ANKRD24: variants seen among roughly 807,000 people sequenced by gnomAD.
The protein encoded by ANKRD24 is ankyrin repeat domain-containing protein 24.
ANKRD24 carries 109 observed loss-of-function variants against 127.8 expected under a neutral mutation model. That is an observed-to-expected ratio of 0.85 (90% CI 0.73 to 1.00). The LOEUF (loss-of-function observed/expected upper bound fraction) is 1.00. Ranked by LOEUF, ANKRD24 falls within the 50% of genes least tolerant of loss-of-function variation. ANKRD24 has a pLI of 0.00. For missense variants in ANKRD24, 1,648 were observed against 1,570.2 expected (o/e 1.05, Z -0.84); for synonymous variants, 743 against 671.1 (o/e 1.11, Z -1.66).
chr19:4,183,296 A>G, intron 1 of ANKRD24: 2 of 986,248 alleles, frequency 2.0e-6, no homozygotes, highest in Non-Finnish European at 2.4e-6. Context: ...TCTGAGTATC[A>G]TCCAACTGGA....
In ANKRD24 at chr19:4,198,354, CCGGGCGGGCGGGCGGGG is replaced by C; in HGVS notation, c.37-1324_37-1308del. On this transcript the variant is annotated intron_variant, in intron 2 of 21. Transcript: ENST00000318934. This position sits in a 1 kb window ranked among gnomAD's most constrained non-coding sequence, Gnocchi z 6.1. ...GGGGGCGGCACCAGGGAGGGCGGGA[CCGGGCGGGCGGGCGGGG>C]CGGGGAGCTCCGGCAGCGCCCAGCC... The C allele has an allele frequency of 7.3e-6, 1 of 137,238 alleles. No homozygotes were observed. The highest frequency in any genetic ancestry group is 2.3e-4 in the East Asian group (1 of 4,352). The allele number at this position is 137,238 out of a possible 1,614,324, so 8.5% of individuals were successfully genotyped here.
chr19:4,219,024 G>A (rs1011794877), intron 18 of ANKRD24, among the ~76,000 whole-genome samples: 2 of 152,102 alleles, frequency 1.3e-5, no homozygotes, highest in African/African-American at 4.8e-5. Context: ...CGTGGCTCAC[G>A]CCTGTAATCC....
At chr19:4,210,490 C>A in intron 13 of ANKRD24, 118 bp downstream of exon 13, 2 of 918,136 alleles carry the variant, frequency 2.2e-6, no homozygotes, top group Non-Finnish European at 3.3e-6. Flanking sequence ...CCCCACCCTG[C>A]TGCAGCCACC....
At chr19:4,188,660 G>A (rs564993596) in intron 2 of ANKRD24, among the ~76,000 whole-genome samples, 4 of 152,140 alleles carry the variant, frequency 2.6e-5, no homozygotes, top group African/African-American at 4.8e-5. Flanking sequence ...GATTACAGGC[G>A]TGAGCCACTG....
At chr19:4,222,870 G>A (rs569647379) in intron 20 of ANKRD24, 75 bp downstream of exon 20, 77 of 1,437,220 alleles carry the variant, frequency 5.4e-5, no homozygotes, top group Middle Eastern at 2.0e-4. Flanking sequence ...TCAGCACAGC[G>A]CAGGTGGGAA....
rs200365940 is a variant in ANKRD24, at chr19:4,217,544, G to A, written c.2384G>A (p.Arg795Gln). ...CTGCGGGCGGCCCTGGAGCAGGCCCGGGAGGACCTCCGAGACCGGGACTCC... is the reference window on the plus strand; with the variant it reads ...CTGCGGGCGGCCCTGGAGCAGGCCCAGGAGGACCTCCGAGACCGGGACTCC... ...TQLRAALEQA[R>Q]EDLRDRDSRL... The change falls in exon 18 of 22, where the codon CGG becomes CAG. Residue 795 changes from arginine (R) to glutamine (Q), a missense_variant. By Grantham distance (43) the Arg-to-Gln change is conservative. Coordinates refer to ENST00000318934, the MANE Select transcript of ANKRD24 (RefSeq NM_001393985.1). The A allele has an allele frequency of 1.5e-3, 1,974 of 1,327,306 alleles. 37 individuals carry two copies. The African/African-American group carries it at 0.028, about 19-fold the overall frequency. The allele number at this position is 1,327,306 out of a possible 1,614,324, so 82.2% of individuals were successfully genotyped here.
chr19:4,207,105 TA>T, intron 7 of ANKRD24, 136 bp from the exon 8 acceptor site: 76 of 457,526 alleles, frequency 1.7e-4, no homozygotes, highest in South Asian at 4.3e-4. Context: ...TTTTTTTTTG[TA>T]GAGACAGGGT....
At chr19:4,190,791 A>G (rs551821954) in intron 2 of ANKRD24, among the ~76,000 whole-genome samples, 1 of 152,264 alleles carries the variant, frequency 6.6e-6, no homozygotes, top group African/African-American at 2.4e-5. Context: ...TCAAACCCAT[A>G]TTTTTCAGGG....
intron 2 of ANKRD24, among the ~76,000 whole-genome samples, chr19:4,194,518 C>T (rs957077367): frequency 6.6e-6 from 1 of 152,100 alleles, no homozygotes; most frequent in Non-Finnish European, 1.5e-5. Flanking sequence ...GCTTTTCTCT[C>T]CCCCCTCCAA....
chr19:4,218,113 C>T lies in ANKRD24; in HGVS notation c.2953C>T (p.Leu985=). 1 of 1,542,244 alleles carries T rather than the reference C, an allele frequency of 6.5e-7. No individual in the cohort carries two copies. Among genetic ancestry groups the T allele is most frequent in the African/African-American group, 1.4e-5 (1 of 71,078 alleles). Residue 985 remains leucine (L), a synonymous_variant, in exon 18 of 22, where the codon CTG becomes TTG. Coordinates refer to ENST00000318934, the MANE Select transcript of ANKRD24 (RefSeq NM_001393985.1). ...QANVAQLEGQ[L]EELGRRHEKT... is the part of the protein sequence containing the mutation. ...CAACGTGGCCCAGCTGGAGGGGCAG[C>T]TGGAGGAGCTGGGACGGCGGCATGA...
At chr19:4,215,726 G>A (rs1361507823) in intron 15 of ANKRD24, among the ~76,000 whole-genome samples, 1 of 151,192 alleles carries the variant, frequency 6.6e-6, no homozygotes, top group Non-Finnish European at 1.5e-5. Context: ...AGTGAACTAT[G>A]ATCGCACCAC....
In ANKRD24 at chr19:4,212,518, G is replaced by A; in HGVS notation, c.1098+5G>A. 4 of 1,557,980 alleles carry A rather than the reference G, an allele frequency of 2.6e-6. No homozygotes were observed. The highest frequency in any genetic ancestry group is 1.4e-5 in the African/African-American group (1 of 73,502). On this transcript the variant is annotated splice_donor_5th_base_variant and intron_variant, in intron 14 of 21. Coordinates refer to ENST00000318934, the MANE Select transcript of ANKRD24 (RefSeq NM_001393985.1). ...CTGCACATCCTGGAGAGACAGGTAGGTGGGAAGGTGGGGAGGAGCCGGTCC... is the reference window on the plus strand; with the variant it reads ...CTGCACATCCTGGAGAGACAGGTAGATGGGAAGGTGGGGAGGAGCCGGTCC...
At chr19:4,187,420 A>G (rs1968128096) in intron 2 of ANKRD24, among the ~76,000 whole-genome samples, 1 of 138,246 alleles carries the variant, frequency 7.2e-6, no homozygotes, top group East Asian at 1.9e-4. Context: ...CTCAAAAAAG[A>G]AAAAAAAAAG....
Position 4,186,065 on chromosome 19 carries a change from G to A in ANKRD24, c.-36-325G>A, listed in dbSNP as rs138043598. 4.8e-3 allele frequency among the ~76,000 whole-genome samples: 725 copies of A among 152,274 alleles called. 9 individuals are homozygous for A. Among genetic ancestry groups the A allele is most frequent in the African/African-American group, 0.016 (679 of 41,564 alleles). ...AGAAAAGGCTTGATCTGTTTGGACCGCAGGAAATACCAGTGAGATGCATTT... is the reference window on the plus strand; with the variant it reads ...AGAAAAGGCTTGATCTGTTTGGACCACAGGAAATACCAGTGAGATGCATTT... On this transcript the variant is annotated intron_variant, in intron 1 of 21. Coordinates refer to ENST00000318934, the MANE Select transcript of ANKRD24 (RefSeq NM_001393985.1).
intron 17 of ANKRD24, 33 bp downstream of exon 17, chr19:4,216,435 G>A: frequency 1.3e-6 from 2 of 1,557,328 alleles, no homozygotes; most frequent in East Asian, 4.8e-5. Context: ...CAGATCTGAG[G>A]ACCTAGGGCT....
intron 10 of ANKRD24, 85 bp downstream of exon 10, chr19:4,208,053 G>A: frequency 1.5e-6 from 2 of 1,344,478 alleles, no homozygotes; most frequent in Non-Finnish European, 9.8e-7. Flanking sequence ...TAGTTTCAAG[G>A]TACCCCCGAT....
At chr19:4,213,941 A>G (rs2145369667) in intron 15 of ANKRD24, among the ~76,000 whole-genome samples, 1 of 152,056 alleles carries the variant, frequency 6.6e-6, no homozygotes, top group East Asian at 1.9e-4. Flanking sequence ...AGACCCAGAA[A>G]GGAGTTTTCT....
Position 4,200,109 on chromosome 19 carries a change from C to T in ANKRD24, c.281C>T (p.Ala94Val), listed in dbSNP as rs781216347. The T allele has an allele frequency of 1.2e-5, 19 of 1,602,816 alleles. No homozygotes were observed. The African/African-American group carries it at 1.7e-4, about 15-fold the overall frequency. ...SAFHLAAMRG[A>V]ASCLEVMIAH... The stretch of plus-strand genomic sequence containing the variant: ...TTCCACCTGGCGGCCATGCGGGGTG[C>T]GGCCAGCTGTCTGGAGGTGATGATA... Residue 94 changes from alanine to valine, a missense_variant, in exon 5 of 22, where the codon GCG (alanine) becomes GTG (valine). Physicochemically the swap from Ala to Val is moderately conservative, Grantham distance 64. Coordinates refer to ENST00000318934, the MANE Select transcript of ANKRD24 (RefSeq NM_001393985.1).
Position 4,199,797 on chromosome 19 carries a change from G to A in ANKRD24, c.123+28G>A. ...AAGTGCCCAGGGGCAGGTGGTGAGA[G>A]CCCGGAGCCCCTGTCGGGGGCGTGG... On this transcript the variant is annotated intron_variant, in intron 3 of 21. Coordinates refer to ENST00000318934, the MANE Select transcript of ANKRD24 (RefSeq NM_001393985.1). This position sits in a 1 kb window ranked among gnomAD's most constrained non-coding sequence, Gnocchi z 5.2. 1.3e-6 allele frequency: 2 copies of A among 1,519,080 alleles called. No individual in the cohort carries two copies. Among genetic ancestry groups the A allele is most frequent in the East Asian group, 2.5e-5 (1 of 40,326 alleles). The allele number at this position is 1,519,080 out of a possible 1,614,324, so 94.1% of individuals were successfully genotyped here.
Sources: allele counts gnomAD v4.1 joint callset (sites outside exome capture counted in the v4.1 genomes callset), GRCh38; gene constraint gnomAD v4.1.1; non-coding constraint Gnocchi (gnomAD v3.1); transcripts MANE v1.5; gene names NCBI Gene and HGNC (gene_info 2026-07-23, HGNC 2026-07-21).